The following SPATA7 variants were observed in gnomAD, a reference collection of about 807,000 sequenced individuals.
The protein encoded by SPATA7 is spermatogenesis associated 7, also known as spermatogenesis-associated protein 7.
Under a neutral mutation model 51.8 loss-of-function variants are expected in SPATA7, and 43 were observed. The ratio of observed to expected loss-of-function variants is 0.83; its 90% CI spans 0.65 to 1.07. The LOEUF is 1.07. Ranked by LOEUF, SPATA7 falls within the 50% of genes least tolerant of loss-of-function variation. SPATA7 has a pLI of 0.00. For missense variants in SPATA7, 683 were observed against 701.3 expected (o/e 0.97, Z 0.30); for synonymous variants, 230 against 252.8 (o/e 0.91, Z 0.86).
chr14:88,403,930 G>C (rs1466452209), intron 4 of SPATA7, among the ~76,000 whole-genome samples: 1 of 152,158 alleles, frequency 6.6e-6, no homozygotes, highest in Non-Finnish European at 1.5e-5. Context: ...TAGCAACTAT[G>C]TTAGGTGATA....
chr14:88,446,190 A>G (rs550154045), intron 3 of SPATA7, among the ~76,000 whole-genome samples: 2 of 152,100 alleles, frequency 1.3e-5, no homozygotes, highest in South Asian at 2.1e-4. Context: ...CAGAGATTCA[A>G]CTTTTCCTGG....
chr14:88,419,767 T>C (rs2076588463), intron 5 of SPATA7, among the ~76,000 whole-genome samples: 2 of 152,096 alleles, frequency 1.3e-5, no homozygotes, highest in Non-Finnish European at 2.9e-5. Flanking sequence ...CCTCGTGATC[T>C]GCCTGCCTCG....
downstream of SPATA7, among the ~76,000 whole-genome samples, chr14:88,459,321 G>A (rs2077302962): frequency 6.6e-6 from 1 of 152,156 alleles, no homozygotes; most frequent in Non-Finnish European, 1.5e-5. Context: ...TGACAGTGGG[G>A]TGTTAAAGTC....
chr14:88,402,864 A>T (rs901079534), intron 4 of SPATA7, among the ~76,000 whole-genome samples: 1 of 149,290 alleles, frequency 6.7e-6, no homozygotes, highest in East Asian at 2.1e-4. Context: ...CAGAGTGCAT[A>T]GGCAACTTAC....
At chr14:88,462,434 G>C (rs371261664) in intron 4 of SPATA7, among the ~76,000 whole-genome samples, 73 of 152,246 alleles carry the variant, frequency 4.8e-4, no homozygotes, top group African/African-American at 1.3e-3. Flanking sequence ...AATTTCTTTG[G>C]CAATGGACAT....
chr14:88,392,642 C>T (rs1432254020), intron 2 of SPATA7, among the ~76,000 whole-genome samples: 3 of 152,082 alleles, frequency 2.0e-5, no homozygotes, highest in Non-Finnish European at 4.4e-5. Flanking sequence ...GACTAAAGGT[C>T]AGGGTAGAGA....
chr14:88,430,462 A>G (rs1006941561), intron 8 of SPATA7, among the ~76,000 whole-genome samples: 1 of 152,250 alleles, frequency 6.6e-6, no homozygotes, highest in Non-Finnish European at 1.5e-5. Flanking sequence ...AAAGTAGAAT[A>G]GTATAGTTGA....
At chr14:88,400,070 A>G (rs1183293138) in intron 4 of SPATA7, among the ~76,000 whole-genome samples, 1 of 152,196 alleles carries the variant, frequency 6.6e-6, no homozygotes, top group African/African-American at 2.4e-5. Flanking sequence ...AATAGATCTC[A>G]TATTAGGCCA....
intron 7 of SPATA7, 86 bp from the exon 8 acceptor site, chr14:88,429,262 C>T (rs977279442): frequency 1.4e-6 from 1 of 733,718 alleles, no homozygotes; most frequent in Non-Finnish European, 2.5e-6. Context: ...TATCTCTGTT[C>T]AATCACTTAA....
chr14:88,431,066 C>T (rs929671564), intron 8 of SPATA7, 106 bp from the exon 9 acceptor site: 1 of 1,028,796 alleles, frequency 9.7e-7, no homozygotes. Flanking sequence ...TGGTTCCAAA[C>T]ATCTAAGATA....
Position 88,385,814 on chromosome 14 carries a change from T to C in SPATA7, c.-5T>C. 6.2e-7 allele frequency: 1 copy of C among 1,606,908 alleles called. No homozygotes were observed. Among genetic ancestry groups the C allele is most frequent in the African/African-American group, 1.3e-5 (1 of 75,020 alleles). The stretch of plus-strand genomic sequence containing the variant: ...GTCCCTGCGGCGGCTGCAAGAGGAC[T>C]AAGCATGGATGGCAGCCGGAGAGGT... On this transcript the variant is annotated 5_prime_UTR_variant, in exon 1 of 12. Transcript: ENST00000393545.
At chr14:88,436,203 C>T (rs1335547103) in intron 10 of SPATA7, among the ~76,000 whole-genome samples, 2 of 152,032 alleles carry the variant, frequency 1.3e-5, no homozygotes, top group African/African-American at 4.8e-5. Flanking sequence ...GTCTACAATT[C>T]GTATGTCTTT....
At chr14:88,407,820 G>A (rs973799762) in intron 4 of SPATA7, among the ~76,000 whole-genome samples, 4 of 152,094 alleles carry the variant, frequency 2.6e-5, no homozygotes, top group African/African-American at 9.7e-5. Flanking sequence ...TCAGTTTTCT[G>A]CATATGGCTA....
Position 88,385,728 on chromosome 14 carries a change from TC to T in SPATA7, c.-89del, listed in dbSNP as rs2075549708. On this transcript the variant is annotated 5_prime_UTR_variant, in exon 1 of 12. Coordinates refer to ENST00000393545, the MANE Select transcript of SPATA7 (RefSeq NM_018418.5). ...CTGCAGCCCCCGTCGGCTCCTCTTTTCCAGTCCTCCACTGCCGGGGCTGGGC... is the reference window on the plus strand; with the variant it reads ...CTGCAGCCCCCGTCGGCTCCTCTTTTCAGTCCTCCACTGCCGGGGCTGGGC... The T allele has an allele frequency of 2.3e-6, 3 of 1,316,920 alleles. No individual in the cohort carries two copies. The highest frequency in any genetic ancestry group is 3.2e-6 in the Non-Finnish European group (3 of 930,584). The allele number at this position is 1,316,920 out of a possible 1,614,324, so 81.6% of individuals were successfully genotyped here. A position where few individuals can be genotyped will look rare whatever the true frequency, so the allele number is the denominator to read the frequency against.
Position 88,385,744 on chromosome 14 carries a change from CG to C in SPATA7, c.-71del. The C allele has an allele frequency of 6.9e-7, 1 of 1,450,970 alleles. No homozygotes were observed. The highest frequency in any genetic ancestry group is 1.9e-5 in the Admixed American group (1 of 52,462). 89.9% of individuals were successfully genotyped at this position (1,450,970 alleles called of 1,614,324 possible). A position where few individuals can be genotyped will look rare whatever the true frequency, so the allele number is the denominator to read the frequency against. Reference sequence around the variant, plus strand: ...CTCCTCTTTTCCAGTCCTCCACTGCCGGGGCTGGGCCCGGCCGCGGGAAGGA... The same window carrying C: ...CTCCTCTTTTCCAGTCCTCCACTGCCGGGCTGGGCCCGGCCGCGGGAAGGA... On this transcript the variant is annotated 5_prime_UTR_variant, in exon 1 of 12. Coordinates refer to ENST00000393545, the MANE Select transcript of SPATA7 (RefSeq NM_018418.5).
At chr14:88,395,710 T>C (rs2075861450) in intron 3 of SPATA7, among the ~76,000 whole-genome samples, 1 of 152,178 alleles carries the variant, frequency 6.6e-6, no homozygotes, top group East Asian at 1.9e-4. Context: ...CTAGTACTTT[T>C]TGAAAGTCAG....
At chr14:88,425,990 T>C (rs550510689) in intron 5 of SPATA7, among the ~76,000 whole-genome samples, 1 of 152,362 alleles carries the variant, frequency 6.6e-6, no homozygotes, top group South Asian at 2.1e-4. Flanking sequence ...AGATATGTTA[T>C]TCATCTTTTT....
intron 1 of SPATA7, among the ~76,000 whole-genome samples, chr14:88,389,089 A>C (rs144865727): frequency 1.8e-3 from 277 of 152,236 alleles, no homozygotes; most frequent in African/African-American, 6.6e-3. Context: ...CAAGTCATGC[A>C]AAAAAACAAA....
intron 5 of SPATA7, among the ~76,000 whole-genome samples, chr14:88,418,596 T>A (rs2076549507): frequency 6.6e-6 from 1 of 152,106 alleles, no homozygotes; most frequent in African/African-American, 2.4e-5. Context: ...TGCCTCAGCC[T>A]CCCAAGTAGC....
Sources: gnomAD v4.1 joint callset for allele counts (sites outside exome capture counted in the v4.1 genomes callset) on GRCh38, gnomAD v4.1.1 for gene constraint, MANE v1.5 for transcripts, NCBI Gene and HGNC (gene_info 2026-07-23, HGNC 2026-07-21) for gene names.